TNNT3: variants seen among roughly 807,000 people sequenced by gnomAD.
The protein encoded by TNNT3 is troponin T, fast skeletal muscle.
TNNT3 carries 36 observed loss-of-function variants against 54.2 expected under a neutral mutation model. That is an observed-to-expected ratio of 0.66 (90% CI 0.51 to 0.88). The LOEUF (loss-of-function observed/expected upper bound fraction) is 0.88. Ranked by LOEUF, TNNT3 falls within the 40% of genes least tolerant of loss-of-function variation. The pLI is 0.00. For missense variants in TNNT3, 291 were observed against 331.6 expected, an observed-to-expected ratio of 0.88 and a Z score of 0.95; for synonymous variants, 120 against 109.7, an observed-to-expected ratio of 1.09 and a Z score of -0.59.
intron 12 of TNNT3, 38 bp downstream of exon 12, chr11:1,934,483 G>A: frequency 1.2e-6 from 2 of 1,609,346 alleles, no homozygotes; most frequent in Non-Finnish European, 1.7e-6. Flanking sequence ...GTAGCCTTCA[G>A]TGTGGGCTAC....
intron 15 of TNNT3, 100 bp downstream of exon 15, chr11:1,937,103 G>C (rs764083494): frequency 3.0e-5 from 39 of 1,318,984 alleles, no homozygotes; most frequent in Non-Finnish European, 3.9e-5. Context: ...GGCTGGCCTC[G>C]GCAGGGCAGT....
chr11:1,932,356 G>T, intron 8 of TNNT3, 113 bp from the exon 9 acceptor site: 1 of 983,144 alleles, frequency 1.0e-6, no homozygotes. Context: ...TTGGCTGGGG[G>T]CCAGAGCAGG....
At chr11:1,929,186 C>T in intron 7 of TNNT3, 43 bp downstream of exon 7, 1 of 1,608,922 alleles carries the variant, frequency 6.2e-7, no homozygotes, top group Non-Finnish European at 8.5e-7. Context: ...GACCCTGGCT[C>T]TAGCCGACGC....
At chr11:1,923,212 C>G in intron 3 of TNNT3, 151 bp downstream of exon 3, 5 of 1,165,944 alleles carry the variant, frequency 4.3e-6, no homozygotes, top group Non-Finnish European at 6.4e-6. Context: ...CCCCGGAAAA[C>G]AGCTGTCCAA....
intron 6 of TNNT3, chr11:1,927,870 G>C (rs148285531): frequency 6.6e-6 from 1 of 152,358 alleles, no homozygotes; most frequent in Non-Finnish European, 1.5e-5. Flanking sequence ...CGTCCTCACC[G>C]CGCTGTTCCT....
At chr11:1,923,104 G>A in intron 3 of TNNT3, 43 bp downstream of exon 3, 1 of 1,613,296 alleles carries the variant, frequency 6.2e-7, no homozygotes, top group Non-Finnish European at 8.5e-7. Flanking sequence ...TGCTCTAGAA[G>A]GAAGGCTCAC....
At chr11:1,926,759 T>C (rs1037354548) in intron 6 of TNNT3, 50 bp downstream of exon 6, 34 of 1,611,116 alleles carry the variant, frequency 2.1e-5, no homozygotes, top group African/African-American at 2.7e-5. Context: ...TCCTCCCTTC[T>C]GTCCTCTCTT....
In TNNT3 at chr11:1,937,711, G is replaced by A. The variant is rs75306510; in HGVS notation, c.722+708G>A. Among the ~76,000 whole-genome samples the A allele has an allele frequency of 5.8e-3, 884 of 152,326 alleles. 29 individuals are homozygous for A. Among genetic ancestry groups the A allele is most frequent in the East Asian group, 0.014 (72 of 5,174 alleles). On this transcript the variant is annotated intron_variant, in intron 15 of 15. Transcript: ENST00000278317. ...TTCTTCTCCCTCCTCCTGTCGCCTT[G>A]GCTTCCCTGCGGCGCCCAGGGCGGG...
chr11:1,922,689 G>C (rs1440573891), intron 1 of TNNT3, 168 bp from the exon 2 acceptor site: 2 of 669,712 alleles, frequency 3.0e-6, no homozygotes, highest in African/African-American at 1.8e-5. Flanking sequence ...CTGGAGAAAG[G>C]GGAGGCCCAA....
chr11:1,927,127 G>A (rs564793649), intron 6 of TNNT3, among the ~76,000 whole-genome samples: 14 of 152,318 alleles, frequency 9.2e-5, no homozygotes, highest in Admixed American at 4.6e-4. Context: ...AGCCAGAAGC[G>A]GGAAGGTAGG....
At chr11:1,929,919 G>T (rs779697850) in intron 8 of TNNT3, 91 bp downstream of exon 8, 11 of 1,495,630 alleles carry the variant, frequency 7.4e-6, no homozygotes, top group Non-Finnish European at 8.2e-6. Flanking sequence ...GCCCAGTGCC[G>T]AGTGTGTTCT....
At chr11:1,929,265 C>T in intron 7 of TNNT3, 122 bp downstream of exon 7, 2 of 1,297,694 alleles carry the variant, frequency 1.5e-6, no homozygotes, top group Admixed American at 1.7e-5. Flanking sequence ...CTTTCTCTTC[C>T]CCTGGCACGG....
intron 15 of TNNT3, 164 bp from the exon 16 acceptor site, chr11:1,938,274 T>C (rs938029932): frequency 2.5e-5 from 19 of 766,484 alleles, no homozygotes; most frequent in South Asian, 4.3e-5. Flanking sequence ...CACAGGTGAG[T>C]GGGCACTGCC....
At chr11:1,936,882 T>A in intron 14 of TNNT3, 81 bp from the exon 15 acceptor site, 1 of 1,446,496 alleles carries the variant, frequency 6.9e-7, no homozygotes, top group Non-Finnish European at 9.5e-7. Flanking sequence ...CAGCCCACCC[T>A]GCGGTGGAGA....
chr11:1,926,691 G>T lies in TNNT3; in HGVS notation c.68-4G>T, dbSNP rs780321873. On this transcript the variant is annotated splice_polypyrimidine_tract_variant and splice_region_variant and intron_variant, in intron 5 of 15. Coordinates refer to ENST00000278317, the MANE Select transcript of TNNT3 (RefSeq NM_006757.4). ...TTTCTGCCACCATGACGCTGCTTCT[G>T]CAGAGGAAGTTCAAGAAGGTACGCC... 1 of 1,613,390 alleles carries T rather than the reference G, an allele frequency of 6.2e-7. No homozygotes were observed. Among genetic ancestry groups the T allele is most frequent in the African/African-American group, 1.3e-5 (1 of 75,022 alleles).
At chr11:1,923,521 A>T in intron 3 of TNNT3, 34 bp from the exon 4 acceptor site, 1 of 1,613,590 alleles carries the variant, frequency 6.2e-7, no homozygotes, top group Non-Finnish European at 8.5e-7. Context: ...GCCCCTTCTA[A>T]CGTGGTTCCC....
At chr11:1,929,219 G>A (rs1019939875) in intron 7 of TNNT3, 76 bp downstream of exon 7, 1 of 1,527,360 alleles carries the variant, frequency 6.5e-7, no homozygotes. Flanking sequence ...ACAGGCTGGG[G>A]TCTCTCGCTG....
At chr11:1,931,173 C>T (rs1853242548) in intron 8 of TNNT3, among the ~76,000 whole-genome samples, 1 of 152,186 alleles carries the variant, frequency 6.6e-6, no homozygotes, top group Non-Finnish European at 1.5e-5. Context: ...ATCAATTGGA[C>T]AAACCATAAT....
chr11:1,925,340 G>A, intron 5 of TNNT3: 1 of 1,535,374 alleles, frequency 6.5e-7, no homozygotes, highest in Non-Finnish European at 8.8e-7. Flanking sequence ...GCCCATGTGG[G>A]GGTGGGGGAG....
Sources: gnomAD v4.1 joint callset for allele counts (sites outside exome capture counted in the v4.1 genomes callset) on GRCh38, gnomAD v4.1.1 for gene constraint, MANE v1.5 for transcripts, NCBI Gene and HGNC (gene_info 2026-07-23, HGNC 2026-07-21) for gene names.